The following RIT2 variants were observed in gnomAD, a reference collection of about 807,000 sequenced individuals.
RIT2 encodes the protein Ras like without CAAX 2, also known as GTP-binding protein Rit2.
In RIT2, 24 loss-of-function variants were observed where a neutral mutation model predicts 23.7. That is an observed-to-expected ratio of 1.01 (90% CI 0.73 to 1.43). The LOEUF is 1.43. RIT2 is among the 40% of genes most tolerant of loss of function. RIT2 has a pLI of 0.00. For missense variants in RIT2, 236 were observed against 266.9 expected (o/e 0.88, Z 0.81); for synonymous variants, 107 against 91.1 (o/e 1.17, Z -0.99).
intron 4 of RIT2, among the ~76,000 whole-genome samples, chr18:42,745,435 A>G (rs1166325277): frequency 6.6e-6 from 1 of 152,176 alleles, no homozygotes; most frequent in Non-Finnish European, 1.5e-5. Context: ...ATCTGATCCC[A>G]AAGACAGCAA....
chr18:43,073,156 G>T (rs1442032654), intron 1 of RIT2, among the ~76,000 whole-genome samples: 1 of 152,160 alleles, frequency 6.6e-6, no homozygotes, highest in Non-Finnish European at 1.5e-5. Flanking sequence ...GCATCATCTG[G>T]AAAAGTTAAT....
chr18:42,861,495 C>A (rs1260951704), intron 4 of RIT2, among the ~76,000 whole-genome samples: 1 of 152,158 alleles, frequency 6.6e-6, no homozygotes, highest in Non-Finnish European at 1.5e-5. Context: ...ACTCTCTAAT[C>A]CACATCTCTG....
intron 1 of RIT2, among the ~76,000 whole-genome samples, chr18:43,083,778 A>G (rs1289294475): frequency 6.6e-6 from 1 of 152,122 alleles, no homozygotes; most frequent in Non-Finnish European, 1.5e-5. Context: ...AACCATAAAA[A>G]CCCTAGAGGA....
At chr18:43,082,479 A>G (rs539222189) in intron 1 of RIT2, among the ~76,000 whole-genome samples, 1 of 152,320 alleles carries the variant, frequency 6.6e-6, no homozygotes, top group Admixed American at 6.5e-5. Context: ...GAAATGCTCA[A>G]TAAAATACTG....
chr18:42,872,533 G>T (rs549760033), intron 4 of RIT2, among the ~76,000 whole-genome samples: 53 of 152,236 alleles, frequency 3.5e-4, no homozygotes, highest in Middle Eastern at 3.4e-3. Flanking sequence ...AACCTTCTCT[G>T]TTCACAGCAA....
intron 2 of RIT2, among the ~76,000 whole-genome samples, chr18:42,981,601 A>G (rs933427021): frequency 1.3e-5 from 2 of 152,228 alleles, no homozygotes; most frequent in African/African-American, 4.8e-5. Context: ...CACAATCCAA[A>G]ATGCCATAAT....
At chr18:42,909,922 A>C (rs1324174619) in intron 4 of RIT2, among the ~76,000 whole-genome samples, 1 of 152,112 alleles carries the variant, frequency 6.6e-6, no homozygotes, top group Non-Finnish European at 1.5e-5. Flanking sequence ...TTGGAGCAAA[A>C]GACGAACACC....
intron 4 of RIT2, among the ~76,000 whole-genome samples, chr18:42,792,120 T>A (rs894857072): frequency 6.6e-6 from 1 of 152,146 alleles, no homozygotes; most frequent in Non-Finnish European, 1.5e-5. Flanking sequence ...AAAAAATAAA[T>A]CTCGTTGATA....
intron 2 of RIT2, among the ~76,000 whole-genome samples, chr18:43,028,770 A>G (rs1376638726): frequency 6.6e-6 from 1 of 151,946 alleles, no homozygotes; most frequent in East Asian, 1.9e-4. Flanking sequence ...GCAAATATAT[A>G]AATGACTCCT....
At chr18:42,770,945 C>G (rs1407051494) in intron 4 of RIT2, among the ~76,000 whole-genome samples, 1 of 151,986 alleles carries the variant, frequency 6.6e-6, no homozygotes, top group African/African-American at 2.4e-5. Context: ...CTAATATGAC[C>G]TCTACTTTCT....
chr18:42,921,892 C>A (rs1909064740), intron 4 of RIT2, among the ~76,000 whole-genome samples: 1 of 152,096 alleles, frequency 6.6e-6, no homozygotes, highest in Non-Finnish European at 1.5e-5. Flanking sequence ...AAAGGTTCAG[C>A]TACTAAGCCT....
intron 1 of RIT2, among the ~76,000 whole-genome samples, chr18:43,094,134 T>TTG (rs1185265750): frequency 7.5e-6 from 1 of 133,264 alleles, no homozygotes; most frequent in Non-Finnish European, 1.6e-5. Flanking sequence ...TTTTTTTTTT[T>TTG]TTTTTTCACT....
intron 4 of RIT2, among the ~76,000 whole-genome samples, chr18:42,827,635 G>A (rs1340625313): frequency 6.6e-6 from 1 of 152,052 alleles, no homozygotes; most frequent in Admixed American, 6.6e-5. Flanking sequence ...AATAAACATA[G>A]GATATGTATA....
chr18:42,794,557 C>T (rs1190614759), intron 4 of RIT2, among the ~76,000 whole-genome samples: 1 of 152,142 alleles, frequency 6.6e-6, no homozygotes, highest in Admixed American at 6.5e-5. Flanking sequence ...CATGAGCTTA[C>T]ATTTTTTAAG....
intron 2 of RIT2, among the ~76,000 whole-genome samples, chr18:43,029,167 G>A (rs939455570): frequency 4.6e-5 from 7 of 151,984 alleles, no homozygotes; most frequent in African/African-American, 1.7e-4. Context: ...ACTTGTTACA[G>A]TCCTTATCGA....
intron 4 of RIT2, among the ~76,000 whole-genome samples, chr18:42,848,883 T>C (rs1906976815): frequency 6.6e-6 from 1 of 152,212 alleles, no homozygotes; most frequent in South Asian, 2.1e-4. Flanking sequence ...GAAAATGTCA[T>C]TGATTATTAA....
At chr18:42,879,108 A>C (rs1209677592) in intron 4 of RIT2, among the ~76,000 whole-genome samples, 1 of 152,178 alleles carries the variant, frequency 6.6e-6, no homozygotes, top group African/African-American at 2.4e-5. Flanking sequence ...TTTTTAAAGA[A>C]TCTTCTACTA....
intron 4 of RIT2, among the ~76,000 whole-genome samples, chr18:42,752,593 C>A (rs1449192813): frequency 2.0e-5 from 3 of 152,170 alleles, no homozygotes; most frequent in African/African-American, 7.2e-5. Flanking sequence ...GGAAACCTTT[C>A]CAGTCTCCTG....
intron 1 of RIT2, among the ~76,000 whole-genome samples, chr18:43,114,720 C>T (rs1190911037): frequency 6.6e-6 from 1 of 151,604 alleles, no homozygotes; most frequent in Non-Finnish European, 1.5e-5. Flanking sequence ...CAACAACTGA[C>T]ACTTCCGTTC....
Sources: gnomAD v4.1 joint callset for allele counts (sites outside exome capture counted in the v4.1 genomes callset) on GRCh38, gnomAD v4.1.1 for gene constraint, MANE v1.5 for transcripts, NCBI Gene and HGNC (gene_info 2026-07-23, HGNC 2026-07-21) for gene names.